The following B3GALT1 variants were observed in gnomAD, a reference collection of about 807,000 sequenced individuals.
B3GALT1 encodes the protein UDP-Gal:betaGlcNAc beta 1,3-galactosyltransferase, polypeptide 1.
Under a neutral mutation model 23.2 loss-of-function variants are expected in B3GALT1, and 10 were observed. That is an observed-to-expected ratio of 0.43 (90% CI 0.27 to 0.73). The LOEUF (loss-of-function observed/expected upper bound fraction) is 0.73. Ranked by LOEUF, B3GALT1 falls within the 30% of genes least tolerant of loss-of-function variation. The probability of loss-of-function intolerance (pLI) is 0.21; values close to 1 mark genes in which losing one functional copy is unlikely to be tolerated. For synonymous variants in B3GALT1, 156 were observed against 141.5 expected (o/e 1.10, Z -0.73); for missense variants, 299 against 405.4 (o/e 0.74, Z 2.25).
At chr2:167,313,515 G>C (rs1342896161) in intron 1 of B3GALT1, among the ~76,000 whole-genome samples, 1 of 152,148 alleles carries the variant, frequency 6.6e-6, no homozygotes, top group African/African-American at 2.4e-5. Context: ...AGTCCAAGGG[G>C]ATTCTACAGA....
At chr2:167,584,360 ACT>A (rs934241347) in intron 2 of B3GALT1, among the ~76,000 whole-genome samples, 1 of 151,956 alleles carries the variant, frequency 6.6e-6, no homozygotes, top group African/African-American at 2.4e-5. Context: ...TGGGGAAAAA[ACT>A]CAGTTTTTCC....
chr2:167,576,462 T>G (rs1211007607), intron 2 of B3GALT1, among the ~76,000 whole-genome samples: 10 of 151,232 alleles, frequency 6.6e-5, no homozygotes, highest in African/African-American at 1.7e-4. Context: ...AATTTTTTAG[T>G]GAGGACAGGT....
At chr2:167,718,427 C>T (rs1489126975) in intron 3 of B3GALT1, among the ~76,000 whole-genome samples, 1 of 152,020 alleles carries the variant, frequency 6.6e-6, no homozygotes, top group East Asian at 1.9e-4. Context: ...ATAAATATTG[C>T]TTTTGAGTGT....
chr2:167,711,931 A>G (rs1687054005), intron 3 of B3GALT1, among the ~76,000 whole-genome samples: 1 of 152,188 alleles, frequency 6.6e-6, no homozygotes. Context: ...TCATGCCACT[A>G]CACTCTAGCC....
chr2:167,357,604 A>C (rs967054994), intron 1 of B3GALT1, among the ~76,000 whole-genome samples: 1 of 152,146 alleles, frequency 6.6e-6, no homozygotes, highest in African/African-American at 2.4e-5. Context: ...AAGCCAATCT[A>C]TTCTGTCAGG....
intron 3 of B3GALT1, chr2:167,714,900 A>G: frequency 6.2e-7 from 1 of 1,611,282 alleles, no homozygotes; most frequent in Non-Finnish European, 8.5e-7. Context: ...TTTTCTTGAT[A>G]TAGTTCAGTC....
intron 1 of B3GALT1, among the ~76,000 whole-genome samples, chr2:167,426,616 C>T (rs1258534837): frequency 2.0e-5 from 3 of 152,028 alleles, no homozygotes; most frequent in Non-Finnish European, 2.9e-5. Context: ...TTTTTGTTTC[C>T]ACTACCCAGC....
rs148922471 is a variant in B3GALT1 at position 167,396,585 on chromosome 2, T to C, written c.-510-93592T>C. On this transcript the variant is annotated intron_variant, in intron 1 of 4. Coordinates refer to ENST00000392690, the MANE Select transcript of B3GALT1 (RefSeq NM_020981.4). ...GTGTGTTTAATTTTAAACATTTGGA[T>C]GGAAAGGTTTATAATATATAAATTA... Among the ~76,000 whole-genome samples the C allele has an allele frequency of 5.2e-3, 782 of 150,456 alleles. 6 individuals are homozygous for C. Among genetic ancestry groups the C allele is most frequent in the African/African-American group, 0.018 (732 of 41,160 alleles).
intron 2 of B3GALT1, among the ~76,000 whole-genome samples, chr2:167,623,267 G>C (rs1013201789): frequency 6.6e-6 from 1 of 151,916 alleles, no homozygotes; most frequent in Non-Finnish European, 1.5e-5. Flanking sequence ...CCCATTACTG[G>C]GTATATGCCC....
intron 1 of B3GALT1, among the ~76,000 whole-genome samples, chr2:167,479,516 T>G (rs1699532771): frequency 6.6e-6 from 1 of 152,214 alleles, no homozygotes; most frequent in Admixed American, 6.5e-5. Context: ...TCTGTATGAC[T>G]GAGATGGAAA....
chr2:167,382,148 T>C (rs1697855065), intron 1 of B3GALT1, among the ~76,000 whole-genome samples: 2 of 152,330 alleles, frequency 1.3e-5, no homozygotes, highest in South Asian at 4.1e-4. Flanking sequence ...AAGTCACTTC[T>C]TAATCTCATT....
chr2:167,626,260 A>T (rs1310134370), intron 2 of B3GALT1, among the ~76,000 whole-genome samples: 1 of 151,570 alleles, frequency 6.6e-6, no homozygotes, highest in Non-Finnish European at 1.5e-5. Flanking sequence ...TAATAAAATC[A>T]TACTGAAATC....
intron 1 of B3GALT1, among the ~76,000 whole-genome samples, chr2:167,473,513 C>T (rs1336346006): frequency 6.6e-6 from 1 of 152,048 alleles, no homozygotes; most frequent in African/African-American, 2.4e-5. Flanking sequence ...GAAGGTTTTC[C>T]TGAAGTGCCT....
At chr2:167,781,016 G>C (rs1385355234) in intron 3 of B3GALT1, among the ~76,000 whole-genome samples, 4 of 152,162 alleles carry the variant, frequency 2.6e-5, no homozygotes, top group Non-Finnish European at 5.9e-5. Context: ...TTAAACATTT[G>C]AAATCAGAGA....
In B3GALT1 at chr2:167,812,324, G is replaced by T. The variant is rs116603631; in HGVS notation, c.-351-6348G>T. Among the ~76,000 whole-genome samples, 481 of 152,308 alleles carry T rather than the reference G, an allele frequency of 3.2e-3. 6 individuals are homozygous for T. Among genetic ancestry groups the T allele is most frequent in the African/African-American group, 0.011 (465 of 41,572 alleles). On this transcript the variant is annotated intron_variant, in intron 3 of 4. Transcript: ENST00000392690. ...TTTGTTTGTACATACGCCCTGGAAT[G>T]GACTTAATTTTAAGAACTAGTTTCT...
chr2:167,684,122 C>G (rs1436617747), intron 3 of B3GALT1, among the ~76,000 whole-genome samples: 1 of 152,204 alleles, frequency 6.6e-6, no homozygotes, highest in Non-Finnish European at 1.5e-5. Flanking sequence ...TTCACATTAA[C>G]TGGTTAGTCT....
chr2:167,387,383 G>A (rs1697944682), intron 1 of B3GALT1, among the ~76,000 whole-genome samples: 1 of 152,128 alleles, frequency 6.6e-6, no homozygotes. Flanking sequence ...TTGTAAAATT[G>A]GATCTGGATA....
At chr2:167,448,430 A>C (rs182422622) in intron 1 of B3GALT1, among the ~76,000 whole-genome samples, 82 of 151,926 alleles carry the variant, frequency 5.4e-4, no homozygotes, top group Non-Finnish European at 9.4e-4. Context: ...ATTATCTATT[A>C]ATGTCCTTAG....
chr2:167,799,942 T>A, intron 3 of B3GALT1, among the ~76,000 whole-genome samples: 1 of 152,194 alleles, frequency 6.6e-6, no homozygotes. Context: ...GTTCTATTAA[T>A]GCAATGTGTA....
Sources: gnomAD v4.1 joint callset for allele counts (sites outside exome capture counted in the v4.1 genomes callset) on GRCh38, gnomAD v4.1.1 for gene constraint, MANE v1.5 for transcripts, NCBI Gene and HGNC (gene_info 2026-07-23, HGNC 2026-07-21) for gene names.